INSR: variants seen among roughly 807,000 people sequenced by gnomAD.
INSR encodes insulin receptor, also known as IR.
A neutral mutation model predicts 142.6 loss-of-function variants in INSR; 67 were observed. The ratio of observed to expected loss-of-function variants is 0.47; its 90% CI spans 0.39 to 0.58. INSR has a LOEUF of 0.58. INSR is among the 20% of genes least tolerant of loss of function. INSR has a pLI of 0.00. For synonymous variants in INSR, 756 were observed against 743.1 expected (o/e 1.02, Z -0.28); for missense variants, 1,248 against 1,833.2 (o/e 0.68, Z 5.83).
In INSR at chr19:7,163,012, G is replaced by A. The variant is rs759814767; in HGVS notation, c.2029+20C>T. On this transcript the variant is annotated intron_variant, in intron 9 of 21. Transcript: ENST00000302850. ...ACGTGTGCAAACCCCACCGATCCTAGCACAGCTGCCTGCACTCACCTTTGA... is the reference window on the plus strand; with the variant it reads ...ACGTGTGCAAACCCCACCGATCCTAACACAGCTGCCTGCACTCACCTTTGA... 9.9e-6 allele frequency: 16 copies of A among 1,612,346 alleles called. No individual in the cohort carries two copies. The highest frequency in any genetic ancestry group is 1.4e-5 in the Non-Finnish European group (16 of 1,179,780).
In INSR at chr19:7,126,660, G is replaced by C; in HGVS notation, c.2946-9C>G. On this transcript the variant is annotated splice_polypyrimidine_tract_variant and intron_variant, in intron 15 of 21. Transcript: ENST00000302850. ...GCGGCCCATCTGGCTGCCTGGAGGA[G>C]GAAAACGAGGCACGTTAGCTTGAGA... 1 of 1,561,760 alleles carries C rather than the reference G, an allele frequency of 6.4e-7. No homozygotes were observed. Among genetic ancestry groups the C allele is most frequent in the Non-Finnish European group, 8.7e-7 (1 of 1,151,600 alleles).
chr19:7,138,872 T>C (rs1164301067), intron 13 of INSR, among the ~76,000 whole-genome samples: 1 of 152,128 alleles, frequency 6.6e-6, no homozygotes. Context: ...TATAGGATAA[T>C]ATATTAATAA....
At chr19:7,286,240 C>T (rs1968342302) in intron 1 of INSR, among the ~76,000 whole-genome samples, 1 of 152,014 alleles carries the variant, frequency 6.6e-6, no homozygotes, top group Non-Finnish European at 1.5e-5. Context: ...GCTTCGGCCT[C>T]CCAAAGTGCT....
Position 7,132,219 on chromosome 19 carries a change from G to A in INSR, c.2781C>T (p.Ala927=). The change falls in exon 14 of 22, where the codon GCC becomes GCT. Residue 927 remains alanine, a synonymous_variant. Coordinates refer to ENST00000302850, the MANE Select transcript of INSR (RefSeq NM_000208.4). ...AAGAGCCGTTGCCCGCAAGGGAGGT[G>A]GCCCGGATTCGCACGCTGTAGTTCC... ...SPGNYSVRIR[A]TSLAGNGSWT... 1 of 1,614,222 alleles carries A rather than the reference G, an allele frequency of 6.2e-7. No homozygotes were observed. Among genetic ancestry groups the A allele is most frequent in the Non-Finnish European group, 8.5e-7 (1 of 1,180,036 alleles).
chr19:7,231,642 G>A (rs1975984277), intron 2 of INSR, among the ~76,000 whole-genome samples: 1 of 151,702 alleles, frequency 6.6e-6, no homozygotes, highest in Non-Finnish European at 1.5e-5. Context: ...TGGATGTTGG[G>A]GCTATATATC....
At chr19:7,189,422 C>T (rs1019634472) in intron 2 of INSR, among the ~76,000 whole-genome samples, 3 of 152,186 alleles carry the variant, frequency 2.0e-5, no homozygotes, top group Admixed American at 2.0e-4. Flanking sequence ...CATTTGTCAG[C>T]ACAGGAGTTG....
rs141195268 is a variant in INSR at position 7,142,460 on chromosome 19, C to T, written c.2542+356G>A. Among the ~76,000 whole-genome samples, 320 of 148,998 alleles carry T rather than the reference C, an allele frequency of 2.1e-3. 3 individuals are homozygous for T. Among genetic ancestry groups the T allele is most frequent in the East Asian group, 0.019 (94 of 5,048 alleles). On this transcript the variant is annotated intron_variant, in intron 12 of 21. Coordinates refer to ENST00000302850, the MANE Select transcript of INSR (RefSeq NM_000208.4). ...CTGTAATCCCAGCACTTTGAGAGGC[C>T]GATGTGGGTGGATCACTTGAGCCCA... is the stretch of plus-strand genomic sequence containing the variant.
In INSR at chr19:7,114,394, T is replaced by C. The variant is rs1972272781; in HGVS notation, c.*2662A>G. 6.6e-6 allele frequency: 1 copy of C among 152,194 alleles called. No individual in the cohort carries two copies. Among genetic ancestry groups the C allele is most frequent in the Non-Finnish European group, 1.5e-5 (1 of 68,040 alleles). 9.4% of individuals were successfully genotyped at this position (152,194 alleles called of 1,614,324 possible). ...GACAGCCTGGAACTTAGTTTATGTT[T>C]GGGGAACATAGTGACAATAGATGGA... On this transcript the variant is annotated 3_prime_UTR_variant, in exon 22 of 22. Coordinates refer to ENST00000302850, the MANE Select transcript of INSR (RefSeq NM_000208.4).
At position 7,216,278 on chromosome 19, in the gene INSR, C is replaced by T. The variant is rs1028257658; in HGVS notation, c.653-31641G>A. The stretch of plus-strand genomic sequence containing the variant: ...GGCAGAGGTTGCAGTGAGCTGAGAT[C>T]GTGCCATTGCACTCCAGCCTGGGCA... On this transcript the variant is annotated intron_variant, in intron 2 of 21. Transcript: ENST00000302850. The surrounding 1 kb of genome is among the most constrained non-coding windows in gnomAD (Gnocchi z 4.2). Among the ~76,000 whole-genome samples the T allele has an allele frequency of 3.9e-5, 6 of 152,152 alleles. No homozygotes were observed. The highest frequency in any genetic ancestry group is 9.7e-5 in the African/African-American group (4 of 41,432).
intron 2 of INSR, among the ~76,000 whole-genome samples, chr19:7,232,931 T>G (rs1976031853): frequency 6.6e-6 from 1 of 152,226 alleles, no homozygotes; most frequent in Non-Finnish European, 1.5e-5. Context: ...ATGTTTATCA[T>G]TCCCGTATCC....
chr19:7,172,262 G>A, intron 5 of INSR, 28 bp downstream of exon 5: 1 of 1,613,234 alleles, frequency 6.2e-7, no homozygotes, highest in Non-Finnish European at 8.5e-7. Context: ...TTAGCACTCA[G>A]GCCATACACA....
At position 7,133,303 on chromosome 19, in the gene INSR, G is replaced by A. The variant is rs192230022; in HGVS notation, c.2683-986C>T. Reference sequence around the variant, plus strand: ...AAATAAAAATAATAGTTGTGTACACGTATGGGGTACAGTGTAAAGTTATGT... The same window carrying A: ...AAATAAAAATAATAGTTGTGTACACATATGGGGTACAGTGTAAAGTTATGT... On this transcript the variant is annotated intron_variant, in intron 13 of 21. Transcript: ENST00000302850. 2.2e-4 allele frequency among the ~76,000 whole-genome samples: 34 copies of A among 152,168 alleles called. 1 individual carries two copies. Among genetic ancestry groups the A allele is most frequent in the East Asian group, 1.5e-3 (8 of 5,170 alleles).
chr19:7,132,609 C>A (rs1972813930), intron 13 of INSR, among the ~76,000 whole-genome samples: 1 of 144,042 alleles, frequency 6.9e-6, no homozygotes, highest in African/African-American at 2.5e-5. Context: ...TTTTTTTTTC[C>A]AGACGGAGTT....
intron 14 of INSR, among the ~76,000 whole-genome samples, 177 bp from the exon 15 acceptor site, chr19:7,129,131 G>A (rs941611325): frequency 3.9e-5 from 6 of 152,078 alleles, no homozygotes; most frequent in South Asian, 2.1e-4. Context: ...AAACAGTCCC[G>A]TAGGTGCAGT....
At chr19:7,279,072 G>A (rs1026933968) in intron 1 of INSR, among the ~76,000 whole-genome samples, 1 of 152,102 alleles carries the variant, frequency 6.6e-6, no homozygotes, top group African/African-American at 2.4e-5. Context: ...GAGGTTGAGT[G>A]AGCTGAGATC....
chr19:7,116,902 A>AGTCCACCTT lies in INSR; in HGVS notation c.*145_*153dup, dbSNP rs1269943104. 1 of 696,174 alleles carries AGTCCACCTT rather than the reference A, an allele frequency of 1.4e-6. No individual in the cohort carries two copies. The highest frequency in any genetic ancestry group is 1.8e-5 in the African/African-American group (1 of 56,274). 43.1% of individuals were successfully genotyped at this position (696,174 alleles called of 1,614,324 possible). ...GACTAGTTAAATTGGTAACCAAACGAGTCCACCTTAAGATGAACAGAAATG... is the reference window on the plus strand; with the variant it reads ...GACTAGTTAAATTGGTAACCAAACGAGTCCACCTTGTCCACCTTAAGATGAACAGAAATG... On this transcript the variant is annotated 3_prime_UTR_variant, in exon 22 of 22. Transcript: ENST00000302850.
intron 13 of INSR, among the ~76,000 whole-genome samples, chr19:7,136,850 G>A (rs1293992022): frequency 7.8e-6 from 1 of 128,906 alleles, no homozygotes; most frequent in African/African-American, 3.7e-5. Context: ...TATATATATT[G>A]AGATGGTGTC....
chr19:7,121,878 C>T (rs1430867250), intron 19 of INSR, among the ~76,000 whole-genome samples: 1 of 152,248 alleles, frequency 6.6e-6, no homozygotes, highest in Non-Finnish European at 1.5e-5. Context: ...CACAGTGGCT[C>T]ATGCCTGTAA....
At chr19:7,269,947 GA>G (rs139413550) in intron 1 of INSR, among the ~76,000 whole-genome samples, 2,846 of 152,194 alleles carry the variant, frequency 0.019, 42 homozygotes, top group Non-Finnish European at 0.03. Context: ...TTGTTTCTAT[GA>G]AATTCTTGTG....
Sources: gnomAD v4.1 joint callset for allele counts (sites outside exome capture counted in the v4.1 genomes callset) on GRCh38, gnomAD v4.1.1 for gene constraint, Gnocchi (gnomAD v3.1) non-coding constraint, MANE v1.5 for transcripts, NCBI Gene and HGNC (gene_info 2026-07-23, HGNC 2026-07-21) for gene names.